Variants in KDM7A observed in about 807,000 individuals in gnomAD.
KDM7A encodes the protein lysine-specific demethylase 7A.
A neutral mutation model predicts 114.8 loss-of-function variants in KDM7A; 28 were observed. The observed-to-expected ratio is 0.24, with a 90% CI of 0.18 to 0.33. KDM7A has a LOEUF of 0.33. KDM7A is among the 10% of genes least tolerant of loss of function. The pLI, the probability that KDM7A is intolerant of heterozygous loss-of-function variation, is 1.00. For synonymous variants in KDM7A, 423 were observed against 397.8 expected, an observed-to-expected ratio of 1.06 and a Z score of -0.75; for missense variants, 942 against 1,142.5, an observed-to-expected ratio of 0.82 and a Z score of 2.53.
In KDM7A at chr7:140,088,648, T is replaced by G; in HGVS notation, c.*2446A>C. 2.5e-6 allele frequency: 1 copy of G among 395,720 alleles called. No individual in the cohort carries two copies. The allele number at this position is 395,720 out of a possible 1,614,324, so 24.5% of individuals were successfully genotyped here. ...GATCAGTGGCCGAATTTTCACCAAT[T>G]CAGAAAAAGACACATGGATTCTATT... is the stretch of plus-strand genomic sequence containing the variant. On this transcript the variant is annotated 3_prime_UTR_variant, in exon 20 of 20. Transcript: ENST00000397560.
chr7:140,102,219 A>G, intron 11 of KDM7A, 59 bp from the exon 12 acceptor site: 1 of 1,161,382 alleles, frequency 8.6e-7, no homozygotes, highest in Non-Finnish European at 1.3e-6. Flanking sequence ...ATACGTGACT[A>G]AATAATCATC....
At chr7:140,096,417 CTT>C (rs1818110285) in intron 17 of KDM7A, 136 bp downstream of exon 17, 1 of 666,058 alleles carries the variant, frequency 1.5e-6, no homozygotes, top group Non-Finnish European at 2.6e-6. Flanking sequence ...CAGCATTGTG[CTT>C]TTTTTGGTCA....
chr7:140,155,900 G>A (rs116251880), intron 1 of KDM7A, among the ~76,000 whole-genome samples: 399 of 152,286 alleles, frequency 2.6e-3, no homozygotes, highest in African/African-American at 7.7e-3. Context: ...CTTTTCTGAG[G>A]ACAGTTACAT....
chr7:140,085,200 G>A lies in KDM7A; in HGVS notation c.*5894C>T, dbSNP rs540091294. On this transcript the variant is annotated 3_prime_UTR_variant, in exon 20 of 20. Coordinates refer to ENST00000397560, the MANE Select transcript of KDM7A (RefSeq NM_030647.2). The stretch of plus-strand genomic sequence containing the variant: ...CATTGACTGCCTATACAAACAAGAC[G>A]AGACGCTATTCCGCAGACACCCCCA... 8 of 151,210 alleles carry A rather than the reference G, an allele frequency of 5.3e-5. No homozygotes were observed. The highest frequency in any genetic ancestry group is 5.3e-4 in the Admixed American group (8 of 15,184). 9.4% of individuals were successfully genotyped at this position (151,210 alleles called of 1,614,324 possible).
At chr7:140,155,528 G>A (rs1168299400) in intron 1 of KDM7A, among the ~76,000 whole-genome samples, 1 of 152,220 alleles carries the variant, frequency 6.6e-6, no homozygotes, top group Admixed American at 6.5e-5. Context: ...TGTCACCAGT[G>A]TATCAGAATA....
chr7:140,168,095 A>G (rs1036795384), intron 1 of KDM7A, among the ~76,000 whole-genome samples: 3 of 152,216 alleles, frequency 2.0e-5, no homozygotes, highest in Admixed American at 2.0e-4. Context: ...AAGATTAAAA[A>G]CATGACAACA....
Position 140,096,544 on chromosome 7 carries a change from A to T in KDM7A, c.2374+11T>A. 1 of 1,603,288 alleles carries T rather than the reference A, an allele frequency of 6.2e-7. No homozygotes were observed. The highest frequency in any genetic ancestry group is 1.1e-5 in the South Asian group (1 of 90,844). On this transcript the variant is annotated intron_variant, in intron 17 of 19. Coordinates refer to ENST00000397560, the MANE Select transcript of KDM7A (RefSeq NM_030647.2). ...GTTACTTTTTAGAGACTGATAATTT[A>T]TGTTTCTTACCACATTCCACTGGTT...
At chr7:140,128,269 T>C (rs928757267) in intron 4 of KDM7A, among the ~76,000 whole-genome samples, 14 of 152,206 alleles carry the variant, frequency 9.2e-5, no homozygotes, top group African/African-American at 3.4e-4. Context: ...CTAGGAAGCA[T>C]AATTAGTTTG....
chr7:140,121,258 T>C (rs758758818), intron 7 of KDM7A, among the ~76,000 whole-genome samples: 1 of 152,242 alleles, frequency 6.6e-6, no homozygotes, highest in African/African-American at 2.4e-5. Context: ...TTCTAAGACA[T>C]GACGTCTAAC....
At chr7:140,129,034 T>C (rs1406399389) in intron 4 of KDM7A, among the ~76,000 whole-genome samples, 1 of 152,236 alleles carries the variant, frequency 6.6e-6, no homozygotes, top group African/African-American at 2.4e-5. Flanking sequence ...GATTTGAAAA[T>C]GATCTGCTCT....
intron 9 of KDM7A, among the ~76,000 whole-genome samples, chr7:140,115,334 G>A (rs932999001): frequency 1.1e-4 from 16 of 152,238 alleles, no homozygotes; most frequent in African/African-American, 3.6e-4. Context: ...GATGACAATG[G>A]CAGTTTTGTC....
At position 140,150,827 on chromosome 7, in the gene KDM7A, C is replaced by CTTTT. The variant is rs922394260; in HGVS notation, c.195-11641_195-11638dup. Among the ~76,000 whole-genome samples the CTTTT allele has an allele frequency of 1.6e-4, 20 of 127,864 alleles. 1 individual carries two copies. Among genetic ancestry groups the CTTTT allele is most frequent in the African/African-American group, 3.5e-4 (12 of 34,060 alleles). The allele number at this position is 127,864 out of a possible 152,430, so 83.9% of individuals were successfully genotyped here. ...TGAGTGTGGCCCAATAATCTCTGTT[C>CTTTT]TTTTTTTTTTTTTTTTTTTGAGACG... On this transcript the variant is annotated intron_variant, in intron 1 of 19. Transcript: ENST00000397560.
chr7:140,160,750 C>T (rs7787963), intron 1 of KDM7A, among the ~76,000 whole-genome samples: 7 of 152,110 alleles, frequency 4.6e-5, no homozygotes, highest in African/African-American at 1.7e-4. Flanking sequence ...CAAGTTCAGA[C>T]TGGGGATAAG....
In KDM7A at chr7:140,146,447, T is replaced by C. The variant is rs1301132925; in HGVS notation, c.195-7257A>G. ...AGAATCATGATAGCTATAACAGATATGTTAAGAGGAAATGCAGTAGGACAC... is the reference window on the plus strand; with the variant it reads ...AGAATCATGATAGCTATAACAGATACGTTAAGAGGAAATGCAGTAGGACAC... On this transcript the variant is annotated intron_variant, in intron 1 of 19. Coordinates refer to ENST00000397560, the MANE Select transcript of KDM7A (RefSeq NM_030647.2). 1.3e-5 allele frequency among the ~76,000 whole-genome samples: 2 copies of C among 152,138 alleles called. 1 individual carries two copies.
intron 1 of KDM7A, among the ~76,000 whole-genome samples, chr7:140,149,793 GA>G (rs146898634): frequency 6.6e-6 from 1 of 152,134 alleles, no homozygotes; most frequent in Non-Finnish European, 1.5e-5. Flanking sequence ...TCTTAGGGAA[GA>G]AAAAACTTGC....
At chr7:140,104,718 A>T (rs567329872) in intron 11 of KDM7A, among the ~76,000 whole-genome samples, 91 of 152,332 alleles carry the variant, frequency 6.0e-4, no homozygotes, top group Non-Finnish European at 1.2e-3. Flanking sequence ...GTTTGAAGTC[A>T]GGTAGCATGA....
intron 12 of KDM7A, among the ~76,000 whole-genome samples, chr7:140,101,743 G>A (rs186561559): frequency 2.6e-5 from 4 of 152,236 alleles, no homozygotes; most frequent in East Asian, 3.9e-4. Context: ...ATCAGCAATC[G>A]AATGAGGTCT....
At chr7:140,111,855 G>A (rs1008429443) in intron 10 of KDM7A, among the ~76,000 whole-genome samples, 2 of 151,184 alleles carry the variant, frequency 1.3e-5, no homozygotes, top group Non-Finnish European at 2.9e-5. Context: ...TGAGGTAGGA[G>A]AATCACTTGA....
intron 1 of KDM7A, among the ~76,000 whole-genome samples, chr7:140,171,563 A>ATGTATT (rs1554402315): frequency 5.4e-5 from 6 of 111,796 alleles, no homozygotes; most frequent in African/African-American, 2.1e-4. Context: ...ATTTATTTTT[A>ATGTATT]TATATTTATA....
Sources: allele counts gnomAD v4.1 joint callset (sites outside exome capture counted in the v4.1 genomes callset), GRCh38; gene constraint gnomAD v4.1.1; transcripts MANE v1.5; gene names NCBI Gene and HGNC (gene_info 2026-07-23, HGNC 2026-07-21).